The following SEPTIN9 variants were observed in gnomAD, a reference collection of about 807,000 sequenced individuals.
SEPTIN9 encodes septin 9, also known as septin-9.
In SEPTIN9, 13 loss-of-function variants were observed where a neutral mutation model predicts 56.6. The observed-to-expected ratio is 0.23, with a 90% CI of 0.15 to 0.37. The LOEUF is 0.37. SEPTIN9 is among the 10% of genes least tolerant of loss of function. The pLI, the probability that SEPTIN9 is intolerant of heterozygous loss-of-function variation, is 1.00. For missense variants in SEPTIN9, 650 were observed against 823.1 expected (o/e 0.79, Z 2.57); for synonymous variants, 332 against 334.1 (o/e 0.99, Z 0.07).
chr17:77,496,814 G>T (rs2040283750), intron 10 of SEPTIN9, among the ~76,000 whole-genome samples: 1 of 152,252 alleles, frequency 6.6e-6, no homozygotes, highest in African/African-American at 2.4e-5. Context: ...CGCACACAAG[G>T]TGGATGGGGC....
At chr17:77,287,831 A>C (rs2031346368) in intron 1 of SEPTIN9, 2 of 986,078 alleles carry the variant, frequency 2.0e-6, no homozygotes, top group Non-Finnish European at 2.4e-6. Flanking sequence ...CAGCCTGAAA[A>C]CCTCCAGGAC....
intron 2 of SEPTIN9, among the ~76,000 whole-genome samples, chr17:77,358,308 C>CTGTTATT (rs2034316797): frequency 6.6e-6 from 1 of 152,210 alleles, no homozygotes; most frequent in Non-Finnish European, 1.5e-5. Flanking sequence ...GAAGCTCAGA[C>CTGTTATT]TGTTATTTTC....
chr17:77,464,164 C>T (rs2038603896), intron 3 of SEPTIN9, among the ~76,000 whole-genome samples: 2 of 152,150 alleles, frequency 1.3e-5, no homozygotes, highest in East Asian at 3.9e-4. Flanking sequence ...ACCTCTGCCT[C>T]CTGGGTTCAA....
At chr17:77,373,184 C>T in intron 2 of SEPTIN9, 1 of 1,076,260 alleles carries the variant, frequency 9.3e-7, no homozygotes. Flanking sequence ...CACTCGGGCC[C>T]CAGCCCCCCA....
intron 3 of SEPTIN9, among the ~76,000 whole-genome samples, chr17:77,479,587 C>A (rs1205864670): frequency 2.0e-5 from 3 of 152,228 alleles, no homozygotes; most frequent in Non-Finnish European, 4.4e-5. Context: ...TCAAGCGGGG[C>A]CCCTGGTGGG....
At chr17:77,353,913 C>T (rs1379174860) in intron 2 of SEPTIN9, among the ~76,000 whole-genome samples, 1 of 152,086 alleles carries the variant, frequency 6.6e-6, no homozygotes, top group African/African-American at 2.4e-5. Flanking sequence ...CATGTATGCA[C>T]ACATGCACAA....
In SEPTIN9 at chr17:77,490,863, G is replaced by T; in HGVS notation, c.1380+4G>T. 6.4e-7 allele frequency: 1 copy of T among 1,565,032 alleles called. No homozygotes were observed. The highest frequency in any genetic ancestry group is 8.7e-7 in the Non-Finnish European group (1 of 1,153,554). On this transcript the variant is annotated splice_donor_region_variant and intron_variant, in intron 8 of 11. Transcript: ENST00000427177. Reference sequence around the variant, plus strand: ...GAGGGTCCACTTCAAACAGCGGGTAGGGTTCCATCTCTACTTGCCCCAGCC... The same window carrying T: ...GAGGGTCCACTTCAAACAGCGGGTATGGTTCCATCTCTACTTGCCCCAGCC...
chr17:77,292,588 G>GGTTCAAC lies in SEPTIN9; in HGVS notation c.19+11035_19+11041dup, dbSNP rs537139402. On this transcript the variant is annotated intron_variant, in intron 1 of 11. Transcript: ENST00000427177. ...AGCTCACTGCAACCTCCGCCTCCCG[G>GGTTCAAC]GTTCAACCAATTCTCCTGCTTCAGC... 1.6e-4 allele frequency among the ~76,000 whole-genome samples: 24 copies of GGTTCAAC among 152,074 alleles called. No homozygotes were observed. In the East Asian group the frequency reaches 4.4e-3, roughly 28 times the overall value.
chr17:77,413,625 G>C (rs2036381570), intron 3 of SEPTIN9, among the ~76,000 whole-genome samples: 1 of 152,150 alleles, frequency 6.6e-6, no homozygotes, highest in African/African-American at 2.4e-5. Flanking sequence ...GAAGCCACAG[G>C]ACCCCTGCAC....
chr17:77,347,612 G>C (rs2033929302), intron 2 of SEPTIN9, among the ~76,000 whole-genome samples: 1 of 151,754 alleles, frequency 6.6e-6, no homozygotes, highest in African/African-American at 2.4e-5. Flanking sequence ...AGCCTCTCCA[G>C]CCTTCTTAAA....
chr17:77,439,452 C>T (rs1441444576), intron 3 of SEPTIN9, among the ~76,000 whole-genome samples: 1 of 152,118 alleles, frequency 6.6e-6, no homozygotes, highest in Admixed American at 6.5e-5. Context: ...CTGGCCTGCC[C>T]CCGTGGCGTC....
At chr17:77,373,279 C>T (rs906722145) in intron 2 of SEPTIN9, 7 of 1,082,362 alleles carry the variant, frequency 6.5e-6, no homozygotes, top group African/African-American at 1.7e-5. Context: ...GCCCGGGAGG[C>T]GGGGGCGGGG....
chr17:77,360,910 TCATC>T (rs1427541745), intron 2 of SEPTIN9, among the ~76,000 whole-genome samples: 1 of 146,590 alleles, frequency 6.8e-6, no homozygotes, highest in Non-Finnish European at 1.5e-5. Flanking sequence ...TGTTTGTCTT[TCATC>T]CTTTTTTTTT....
chr17:77,473,153 C>G (rs763986512), intron 3 of SEPTIN9, among the ~76,000 whole-genome samples: 1 of 152,210 alleles, frequency 6.6e-6, no homozygotes, highest in Non-Finnish European at 1.5e-5. Context: ...TTCCTCCTGC[C>G]GGAGCTCAGG....
At chr17:77,428,318 A>T (rs1171638628) in intron 3 of SEPTIN9, among the ~76,000 whole-genome samples, 1 of 152,216 alleles carries the variant, frequency 6.6e-6, no homozygotes, top group Non-Finnish European at 1.5e-5. Flanking sequence ...ACCATTGGCA[A>T]AGTGTTCAAG....
chr17:77,479,892 G>A (rs1259578731), intron 3 of SEPTIN9, among the ~76,000 whole-genome samples: 1 of 152,194 alleles, frequency 6.6e-6, no homozygotes, highest in Non-Finnish European at 1.5e-5. Flanking sequence ...CTGCTGCCCC[G>A]CAAGGCAAGG....
chr17:77,316,253 C>T (rs760874025), intron 2 of SEPTIN9, among the ~76,000 whole-genome samples: 1 of 152,150 alleles, frequency 6.6e-6, no homozygotes, highest in Non-Finnish European at 1.5e-5. Flanking sequence ...GGTTGGCCCT[C>T]GCCTCCCCCA....
At chr17:77,285,092 G>T (rs993936175) in intron 1 of SEPTIN9, among the ~76,000 whole-genome samples, 9 of 152,186 alleles carry the variant, frequency 5.9e-5, no homozygotes, top group Non-Finnish European at 1.3e-4. Flanking sequence ...CCATTGCTAG[G>T]ACGTTCCAGA....
At position 77,445,418 on chromosome 17, in the gene SEPTIN9, G is replaced by T; in HGVS notation, c.722-36726G>T. The stretch of plus-strand genomic sequence containing the variant: ...AGGATGGATTGGAAAAGAGTTGGCA[G>T]GAAGGCTGAGCTCTGTGCTCACAAC... On this transcript the variant is annotated intron_variant, in intron 3 of 11. Transcript: ENST00000427177. The surrounding 1 kb of genome is among the most constrained non-coding windows in gnomAD (Gnocchi z 4.7). The T allele has an allele frequency of 4.3e-6, 2 of 469,676 alleles. No individual in the cohort carries two copies. The highest frequency in any genetic ancestry group is 3.1e-5 in the South Asian group (2 of 64,568). 29.1% of individuals were successfully genotyped at this position (469,676 alleles called of 1,614,324 possible).
Sources: gnomAD v4.1 joint callset for allele counts (sites outside exome capture counted in the v4.1 genomes callset) on GRCh38, gnomAD v4.1.1 for gene constraint, Gnocchi (gnomAD v3.1) non-coding constraint, MANE v1.5 for transcripts, NCBI Gene and HGNC (gene_info 2026-07-23, HGNC 2026-07-21) for gene names.